Variants in KCNIP4 observed in about 807,000 individuals in gnomAD.
The protein encoded by KCNIP4 is potassium voltage-gated channel interacting protein 4.
In KCNIP4, 12 loss-of-function variants were observed where a neutral mutation model predicts 34.0. The observed-to-expected ratio is 0.35, with a 90% confidence interval of 0.23 to 0.57. The LOEUF is 0.57. KCNIP4 is among the 20% of genes least tolerant of loss of function. The pLI, the probability that KCNIP4 is intolerant of heterozygous loss-of-function variation, is 0.83. For missense variants in KCNIP4, 238 were observed against 311.7 expected (o/e 0.76, Z 1.78); for synonymous variants, 124 against 102.2 (o/e 1.21, Z -1.29).
chr4:20,896,984 C>T (rs929760187), intron 1 of KCNIP4, among the ~76,000 whole-genome samples: 2 of 151,740 alleles, frequency 1.3e-5, no homozygotes, highest in African/African-American at 2.4e-5. Context: ...GCAAATTAGT[C>T]CACCACACAC....
In KCNIP4 at chr4:21,233,583, T is replaced by C. The variant is rs138349167; in HGVS notation, c.62-350874A>G. Among the ~76,000 whole-genome samples, 531 of 151,790 alleles carry C rather than the reference T, an allele frequency of 3.5e-3. 4 individuals are homozygous for C. The highest frequency in any genetic ancestry group is 0.015 in the East Asian group (79 of 5,156). On this transcript the variant is annotated intron_variant, in intron 1 of 8. Coordinates refer to ENST00000382152, the MANE Select transcript of KCNIP4 (RefSeq NM_025221.6). The stretch of plus-strand genomic sequence containing the variant: ...TGGTTAAAAAACCAAAGAACAAAGA[T>C]ATTAAAAATGCTGGTAGAAAGATAA...
chr4:21,574,131 A>G (rs546478080), intron 1 of KCNIP4, among the ~76,000 whole-genome samples: 1 of 152,306 alleles, frequency 6.6e-6, no homozygotes, highest in East Asian at 1.9e-4. Flanking sequence ...GTTTATGGGC[A>G]GAAATTTTCT....
At chr4:21,612,818 C>A (rs934541572) in intron 1 of KCNIP4, among the ~76,000 whole-genome samples, 1 of 152,088 alleles carries the variant, frequency 6.6e-6, no homozygotes. Context: ...AATCACAATG[C>A]AATGTGTTAA....
chr4:21,737,933 A>G (rs1716106366), intron 1 of KCNIP4, among the ~76,000 whole-genome samples: 1 of 151,296 alleles, frequency 6.6e-6, no homozygotes, highest in African/African-American at 2.4e-5. Context: ...AAACACACAC[A>G]CACAAAAAAA....
chr4:21,701,953 G>A (rs544262291), intron 1 of KCNIP4, among the ~76,000 whole-genome samples: 6 of 152,032 alleles, frequency 3.9e-5, no homozygotes, highest in African/African-American at 9.6e-5. Flanking sequence ...ATCTGCTTGC[G>A]TTGGCCTCCC....
At chr4:21,510,564 TG>T (rs958898743) in intron 1 of KCNIP4, among the ~76,000 whole-genome samples, 8 of 152,204 alleles carry the variant, frequency 5.3e-5, no homozygotes, top group Non-Finnish European at 1.0e-4. Context: ...TGGAATAATG[TG>T]GGTTCTAGTT....
rs536825777 is a variant in KCNIP4 at position 21,402,946 on chromosome 4, G to T, written c.62-520237C>A. On this transcript the variant is annotated intron_variant, in intron 1 of 8. Transcript: ENST00000382152. ...GATGTCCTATGTTCTTTATAATTAA[G>T]TTCTTTTGCTCTGGCATCCCTTCTT... is the stretch of plus-strand genomic sequence containing the variant. 2.4e-4 allele frequency among the ~76,000 whole-genome samples: 37 copies of T among 152,222 alleles called. No individual in the cohort carries two copies. The Middle Eastern group carries it at 0.01, about 42-fold the overall frequency.
At chr4:21,244,319 C>T (rs544437561) in intron 1 of KCNIP4, among the ~76,000 whole-genome samples, 4 of 152,156 alleles carry the variant, frequency 2.6e-5, no homozygotes, top group Admixed American at 2.0e-4. Flanking sequence ...TGCCACTTTT[C>T]CATGAAAACC....
intron 1 of KCNIP4, among the ~76,000 whole-genome samples, chr4:20,959,478 G>C (rs1025792894): frequency 2.6e-5 from 4 of 152,162 alleles, no homozygotes; most frequent in Admixed American, 1.3e-4. Context: ...TTGAAAGCTA[G>C]TATATGCTAA....
chr4:21,695,297 G>C (rs1261800666), intron 1 of KCNIP4, among the ~76,000 whole-genome samples: 2 of 152,040 alleles, frequency 1.3e-5, no homozygotes, highest in Non-Finnish European at 2.9e-5. Context: ...TTTAGTATTA[G>C]AGACTGAGCC....
At chr4:21,528,811 G>A (rs1401288387) in intron 1 of KCNIP4, among the ~76,000 whole-genome samples, 1 of 80,240 alleles carries the variant, frequency 1.2e-5, no homozygotes, top group Admixed American at 1.2e-4. Context: ...AAGGAAGGAA[G>A]GAAGGAAGGA....
At chr4:20,977,564 G>T (rs539919089) in intron 1 of KCNIP4, among the ~76,000 whole-genome samples, 1 of 148,412 alleles carries the variant, frequency 6.7e-6, no homozygotes, top group South Asian at 2.1e-4. Flanking sequence ...TGAGGCACAA[G>T]TTACCAAAGT....
chr4:20,984,878 C>G (rs1736429936), intron 1 of KCNIP4, among the ~76,000 whole-genome samples: 1 of 152,120 alleles, frequency 6.6e-6, no homozygotes, highest in African/African-American at 2.4e-5. Context: ...TTTATTAAAA[C>G]CACGCTCATC....
intron 1 of KCNIP4, among the ~76,000 whole-genome samples, chr4:21,268,387 C>T (rs1394058540): frequency 6.6e-6 from 1 of 152,190 alleles, no homozygotes; most frequent in Non-Finnish European, 1.5e-5. Flanking sequence ...AAACACAGTG[C>T]TCTCAATGTT....
chr4:21,025,640 G>C (rs1188577478), intron 1 of KCNIP4, among the ~76,000 whole-genome samples: 1 of 128,376 alleles, frequency 7.8e-6, no homozygotes, highest in Non-Finnish European at 1.6e-5. Context: ...TGCCAGCTCT[G>C]CCTCCCGGGT....
chr4:21,766,973 G>T (rs1168909121), intron 1 of KCNIP4, among the ~76,000 whole-genome samples: 1 of 152,224 alleles, frequency 6.6e-6, no homozygotes, highest in South Asian at 2.1e-4. Context: ...AACAGAAAAT[G>T]CACAAGGAAA....
At chr4:21,322,071 A>G (rs1714536047) in intron 1 of KCNIP4, among the ~76,000 whole-genome samples, 1 of 138,566 alleles carries the variant, frequency 7.2e-6, no homozygotes, top group African/African-American at 2.7e-5. Context: ...GAAAGGAGGG[A>G]GGGAGGAAGA....
chr4:21,010,229 G>C (rs1321727929), intron 1 of KCNIP4, among the ~76,000 whole-genome samples: 1 of 152,180 alleles, frequency 6.6e-6, no homozygotes, highest in African/African-American at 2.4e-5. Context: ...TTGATTCGTT[G>C]TTATAGGAAC....
intron 1 of KCNIP4, among the ~76,000 whole-genome samples, chr4:21,933,948 T>C (rs754552632): frequency 3.6e-4 from 55 of 152,082 alleles, no homozygotes; most frequent in Non-Finnish European, 6.0e-4. Flanking sequence ...CACCCAACAA[T>C]TAATTAAAAC....
Sources: gnomAD v4.1 joint callset for allele counts (sites outside exome capture counted in the v4.1 genomes callset) on GRCh38, gnomAD v4.1.1 for gene constraint, MANE v1.5 for transcripts, NCBI Gene and HGNC (gene_info 2026-07-23, HGNC 2026-07-21) for gene names.